Variants in RHOU observed in about 807,000 individuals in gnomAD.
RHOU encodes the protein rho-related GTP-binding protein RhoU.
Under a neutral mutation model 12.6 loss-of-function variants are expected in RHOU, and 8 were observed. The observed-to-expected ratio is 0.64, with a 90% CI of 0.37 to 1.15. The LOEUF is 1.15. Among genes scored for constraint, RHOU ranks in the 50% most tolerant of loss-of-function variants. The pLI, the probability that RHOU is intolerant of heterozygous loss-of-function variation, is 0.01. For missense variants in RHOU, 258 were observed against 347.0 expected (o/e 0.74, Z 2.04); for synonymous variants, 161 against 147.4 (o/e 1.09, Z -0.67).
the RHOU span, among the ~76,000 whole-genome samples, chr1:228,652,778 A>G: frequency 3.9e-5 from 6 of 152,188 alleles, no homozygotes; most frequent in African/African-American, 1.4e-4. Context: ...TGTTTTCATG[A>G]CTTTTATTTA....
chr1:228,701,842 G>A, the RHOU span, among the ~76,000 whole-genome samples: 2 of 150,738 alleles, frequency 1.3e-5, no homozygotes, highest in Non-Finnish European at 3.0e-5. Context: ...TTTTTTGTTA[G>A]TACACTTTGT....
At chr1:228,718,320 A>G in the RHOU span, among the ~76,000 whole-genome samples, 1 of 152,214 alleles carries the variant, frequency 6.6e-6, no homozygotes, top group Non-Finnish European at 1.5e-5. Context: ...GGAATCTACA[A>G]TTAAGGTTTG....
At chr1:228,713,313 A>T in the RHOU span, among the ~76,000 whole-genome samples, 3 of 152,200 alleles carry the variant, frequency 2.0e-5, no homozygotes, top group Non-Finnish European at 4.4e-5. Context: ...AATCATGCCT[A>T]TGTAATAAAG....
Position 228,737,829 on chromosome 1 carries a change from T to G in RHOU, c.321+98T>G. The G allele has an allele frequency of 7.5e-7, 1 of 1,335,250 alleles. No individual in the cohort carries two copies. The highest frequency in any genetic ancestry group is 1.2e-5 in the South Asian group (1 of 82,732). 82.7% of individuals were successfully genotyped at this position (1,335,250 alleles called of 1,614,324 possible). ...CCCTCAGTCAGTAACTGGGTCATTC[T>G]AAAGCCTCATGAAGTGGACCCACCC... On this transcript the variant is annotated intron_variant, in intron 2 of 2. Transcript: ENST00000366691. This position sits in a 1 kb window ranked among gnomAD's most constrained non-coding sequence, Gnocchi z 4.1.
chr1:228,647,225 G>T, the RHOU span, among the ~76,000 whole-genome samples: 1 of 152,224 alleles, frequency 6.6e-6, no homozygotes, highest in African/African-American at 2.4e-5. Context: ...TGGATGAATT[G>T]CTTGCTTTGG....
At chr1:228,718,305 C>A in the RHOU span, among the ~76,000 whole-genome samples, 1 of 152,154 alleles carries the variant, frequency 6.6e-6, no homozygotes, top group East Asian at 1.9e-4. Flanking sequence ...GTTTTAAGGA[C>A]AGATGGAATC....
the RHOU span, among the ~76,000 whole-genome samples, chr1:228,681,670 C>T: frequency 1.6e-4 from 25 of 151,968 alleles, no homozygotes; most frequent in African/African-American, 5.1e-4. Flanking sequence ...GAACCATTGT[C>T]GAGTTTGTAT....
the RHOU span, among the ~76,000 whole-genome samples, chr1:228,698,396 T>A: frequency 6.6e-6 from 1 of 152,262 alleles, no homozygotes; most frequent in African/African-American, 2.4e-5. Context: ...TATGTCTCTA[T>A]AATACCTGAT....
At chr1:228,673,923 A>G in the RHOU span, among the ~76,000 whole-genome samples, 1 of 152,244 alleles carries the variant, frequency 6.6e-6, no homozygotes, top group Non-Finnish European at 1.5e-5. Context: ...TTGCTGGGTC[A>G]TAGGAAATGT....
At chr1:228,658,999 AAC>A in the RHOU span, among the ~76,000 whole-genome samples, 8 of 152,374 alleles carry the variant, frequency 5.3e-5, no homozygotes, top group South Asian at 4.1e-4. Flanking sequence ...TGAAAATGAA[AAC>A]ACAGTACAGC....
At chr1:228,669,349 G>C in the RHOU span, among the ~76,000 whole-genome samples, 52 of 152,246 alleles carry the variant, frequency 3.4e-4, no homozygotes, top group Non-Finnish European at 5.1e-4. Context: ...CTCAGGCATT[G>C]CCTGGGTGAT....
chr1:228,658,314 A>G, the RHOU span, among the ~76,000 whole-genome samples: 1 of 151,776 alleles, frequency 6.6e-6, no homozygotes. Flanking sequence ...AAAGGGTAAA[A>G]AGGTGGATTC....
At chr1:228,734,068 C>G (rs1040361279), upstream of RHOU, among the ~76,000 whole-genome samples, 5 of 152,192 alleles carry the variant, frequency 3.3e-5, no homozygotes, top group East Asian at 3.8e-4. Context: ...CTGTTTGGGT[C>G]TCCCCAACTT....
At chr1:228,657,954 G>T in the RHOU span, among the ~76,000 whole-genome samples, 2 of 152,016 alleles carry the variant, frequency 1.3e-5, no homozygotes, top group Non-Finnish European at 2.9e-5. Flanking sequence ...AAATTTATAC[G>T]TTGAAATTTA....
chr1:228,672,399 A>G, the RHOU span, among the ~76,000 whole-genome samples: 1 of 152,090 alleles, frequency 6.6e-6, no homozygotes, highest in East Asian at 1.9e-4. Context: ...CTGACCTCAG[A>G]TGGTCCACCT....
chr1:228,690,411 C>T, the RHOU span, among the ~76,000 whole-genome samples: 18 of 147,990 alleles, frequency 1.2e-4, no homozygotes, highest in East Asian at 8.1e-4. Flanking sequence ...CCGCAACCTC[C>T]GCCTCCCAGG....
At chr1:228,723,096 C>T in the RHOU span, among the ~76,000 whole-genome samples, 1 of 152,198 alleles carries the variant, frequency 6.6e-6, no homozygotes, top group South Asian at 2.1e-4. Context: ...ATCTGGCAGC[C>T]TGAGTTAGAT....
At chr1:228,703,890 T>G in the RHOU span, among the ~76,000 whole-genome samples, 3 of 152,300 alleles carry the variant, frequency 2.0e-5, no homozygotes, top group Non-Finnish European at 2.9e-5. Flanking sequence ...TCAGGCACCC[T>G]GCCTCCCATT....
the RHOU span, among the ~76,000 whole-genome samples, chr1:228,728,668 A>C: frequency 6.6e-6 from 1 of 152,214 alleles, no homozygotes; most frequent in Non-Finnish European, 1.5e-5. Context: ...ATATGTTTGA[A>C]TTTGTTTAAT....
Sources: gnomAD v4.1 joint callset for allele counts (sites outside exome capture counted in the v4.1 genomes callset) on GRCh38, gnomAD v4.1.1 for gene constraint, Gnocchi (gnomAD v3.1) non-coding constraint, MANE v1.5 for transcripts, NCBI Gene and HGNC (gene_info 2026-07-23, HGNC 2026-07-21) for gene names.